The following DNAH5 variants were observed in gnomAD, a reference collection of about 807,000 sequenced individuals.
DNAH5 encodes dynein axonemal heavy chain 5.
A neutral mutation model predicts 518.2 loss-of-function variants in DNAH5; 372 were observed. That is an observed-to-expected ratio of 0.72 (90% CI 0.66 to 0.78). The LOEUF (loss-of-function observed/expected upper bound fraction) is 0.78, where lower values mean the gene tolerates loss of function less well. Ranked by LOEUF, DNAH5 falls within the 30% of genes least tolerant of loss-of-function variation. The pLI is 0.00. For synonymous variants in DNAH5, 2,039 were observed against 2,025.9 expected (o/e 1.01, Z -0.17); for missense variants, 5,523 against 5,687.0 (o/e 0.97, Z 0.93).
chr5:13,805,907 G>A (rs1580341009), intron 47 of DNAH5, among the ~76,000 whole-genome samples: 1 of 152,150 alleles, frequency 6.6e-6, no homozygotes, highest in Non-Finnish European at 1.5e-5. Context: ...AGTGAGGGCA[G>A]TCTTGTGGGG....
intron 1 of DNAH5, among the ~76,000 whole-genome samples, chr5:13,989,764 T>A (rs1783381555): frequency 6.6e-6 from 1 of 152,178 alleles, no homozygotes; most frequent in African/African-American, 2.4e-5. Flanking sequence ...ATTACAGTCA[T>A]GAGCCACCAC....
In DNAH5 at chr5:13,792,219, T is replaced by C. The variant is rs2126901340; in HGVS notation, c.8225-2A>G. On this transcript the variant is annotated splice_acceptor_variant, in intron 49 of 78. Coordinates refer to ENST00000265104, the MANE Select transcript of DNAH5 (RefSeq NM_001369.3). LOFTEE classifies it high-confidence loss of function. Reference sequence around the variant, plus strand: ...AGTAGTGGCCTACCCCAATCACACCTGAAAAGGGGGAAATTACAGCATTTT... The same window carrying C: ...AGTAGTGGCCTACCCCAATCACACCCGAAAAGGGGGAAATTACAGCATTTT... The C allele has an allele frequency of 6.2e-7, 1 of 1,609,982 alleles. No individual in the cohort carries two copies. The highest frequency in any genetic ancestry group is 8.5e-7 in the Non-Finnish European group (1 of 1,176,476).
Position 13,794,024 on chromosome 5 carries a change from C to A in DNAH5, c.7922G>T (p.Gly2641Val), listed in dbSNP as rs1201734195. 1.9e-6 allele frequency: 3 copies of A among 1,614,028 alleles called. No homozygotes were observed. The East Asian group carries it at 6.7e-5, about 36-fold the overall frequency. The change falls in exon 48 of 79, where the codon GGT becomes GTT. Residue 2641 changes from glycine to valine, a missense_variant. Gly to Val is a moderately radical substitution (Grantham distance 109). Transcript: ENST00000265104. Reference protein sequence around the residue: ...TIESYVDKRMGTTYGPPAGKK... With the variant: ...TIESYVDKRMVTTYGPPAGKK... ...TCCCGCAGGAGGGCCATATGTTGTA[C>A]CCATTCGTTTATCCACATAGCTCTC... is the stretch of plus-strand genomic sequence containing the variant.
Position 13,841,918 on chromosome 5 carries a change from CAA to C in DNAH5, c.5272-16_5272-15del, listed in dbSNP as rs35337694. ...TCGATCATAGATCTATGTTAGAAAC[CAA>C]AAAAAAAAAAAAAAAAAGCTATAGT... On this transcript the variant is annotated splice_polypyrimidine_tract_variant and intron_variant, in intron 32 of 78. Transcript: ENST00000265104. 0.12 allele frequency: 67,293 copies of C among 566,636 alleles called. 427 individuals are homozygous for C. The highest frequency in any genetic ancestry group is 0.2 in the African/African-American group (7,892 of 40,192). 35.1% of individuals were successfully genotyped at this position (566,636 alleles called of 1,614,324 possible). A position where few individuals can be genotyped will look rare whatever the true frequency, so the allele number is the denominator to read the frequency against.
chr5:13,776,067 G>C (rs531056605), intron 55 of DNAH5, among the ~76,000 whole-genome samples: 1 of 152,034 alleles, frequency 6.6e-6, no homozygotes, highest in Non-Finnish European at 1.5e-5. Flanking sequence ...AAGCACTAAT[G>C]GTCCATGGCA....
intron 35 of DNAH5, among the ~76,000 whole-genome samples, chr5:13,831,954 C>G (rs1356531598): frequency 6.6e-6 from 1 of 152,102 alleles, no homozygotes. Context: ...AGGACTGCGG[C>G]AGGACAGCTG....
intron 7 of DNAH5, among the ~76,000 whole-genome samples, chr5:13,918,721 G>A (rs1393035274): frequency 6.6e-6 from 1 of 152,164 alleles, no homozygotes; most frequent in Non-Finnish European, 1.5e-5. Context: ...ACCTGCCTCG[G>A]CATCCCAAAG....
At chr5:13,935,184 A>G (rs1489862538) in intron 1 of DNAH5, among the ~76,000 whole-genome samples, 1 of 152,180 alleles carries the variant, frequency 6.6e-6, no homozygotes, top group East Asian at 1.9e-4. Flanking sequence ...GAGCACAGAG[A>G]TTTAAAAAAG....
At chr5:13,975,973 C>T (rs1329285740) in intron 1 of DNAH5, among the ~76,000 whole-genome samples, 4 of 152,258 alleles carry the variant, frequency 2.6e-5, no homozygotes, top group Non-Finnish European at 4.4e-5. Flanking sequence ...GAGTTCAAGT[C>T]TGCATTAATC....
intron 1 of DNAH5, among the ~76,000 whole-genome samples, chr5:13,987,895 G>A (rs972290899): frequency 1.6e-5 from 2 of 122,366 alleles, no homozygotes; most frequent in Non-Finnish European, 3.4e-5. Context: ...TATTCAATAG[G>A]ACCCTTCAAA....
chr5:13,814,242 C>A (rs902034867), intron 43 of DNAH5, among the ~76,000 whole-genome samples: 1 of 152,156 alleles, frequency 6.6e-6, no homozygotes, highest in African/African-American at 2.4e-5. Context: ...GATGGTCCTC[C>A]TAAACTTTAT....
At position 14,003,280 on chromosome 5, in the gene DNAH5, C is replaced by G. The variant is rs748826272; in HGVS notation, c.12+8368G>C. On this transcript the variant is annotated intron_variant, in intron 1 of 78. Transcript: ENST00000681290. ...GTTTCCACTTGATAATAAATATTCC[C>G]TTACCAAAAAAGTTTGGGCCTGGGA... Among the ~76,000 whole-genome samples, 8 of 152,242 alleles carry G rather than the reference C, an allele frequency of 5.3e-5. No homozygotes were observed. In the South Asian group the frequency reaches 1.2e-3, roughly 24 times the overall value.
intron 1 of DNAH5, among the ~76,000 whole-genome samples, chr5:13,965,631 C>G (rs1376273673): frequency 6.6e-6 from 1 of 152,124 alleles, no homozygotes; most frequent in Admixed American, 6.6e-5. Flanking sequence ...TGGCAAAGTC[C>G]TGGAGAATTT....
At position 13,911,442 on chromosome 5, in the gene DNAH5, T is replaced by C; in HGVS notation, c.1588A>G (p.Lys530Glu). ...KKEYNFLDQR[K>E]MDFDQDYEEF... The stretch of plus-strand genomic sequence containing the variant: ...TCGTAATCTTGGTCAAAATCCATTT[T>C]CCGCTGGTCTAGGAAATTGTATTCC... Residue 530 changes from lysine (K) to glutamate (E), a missense_variant, in exon 12 of 79, where the codon AAA (lysine) becomes GAA (glutamate). By Grantham distance (56) the Lys-to-Glu change is moderately conservative (BLOSUM62 1). Around this residue, in one of 3 missense-constraint regions of DNAH5, gnomAD observed 5,121 missense variants for 5,223.3 expected, o/e 0.98. Transcript: ENST00000265104. 1 of 1,614,114 alleles carries C rather than the reference T, an allele frequency of 6.2e-7. No individual in the cohort carries two copies. The highest frequency in any genetic ancestry group is 1.1e-5 in the South Asian group (1 of 91,082).
intron 43 of DNAH5, 143 bp from the exon 44 acceptor site, chr5:13,811,966 AC>A: frequency 1.4e-6 from 1 of 722,530 alleles, no homozygotes; most frequent in Non-Finnish European, 2.3e-6. Flanking sequence ...AGGCTTTGTT[AC>A]AAACTCTTCC....
In DNAH5 at chr5:13,762,808, C is replaced by A; in HGVS notation, c.10195G>T (p.Val3399Leu). The A allele has an allele frequency of 6.2e-7, 1 of 1,614,102 alleles. No homozygotes were observed. The highest frequency in any genetic ancestry group is 1.3e-5 in the African/African-American group (1 of 75,058). ...CAAAGACCAGCTACATTTCCACATA[C>A]GCGTTTAGCAGTTTCGATGTTATAG... ...PDYNIETAKR[V>L]CGNVAGLCSW... The change falls in exon 60 of 79, where the codon GTA becomes TTA. Residue 3399 changes from valine (V) to leucine (L), a missense_variant. By Grantham distance (32) the Val-to-Leu change is conservative. Around this residue, in one of 3 missense-constraint regions of DNAH5, gnomAD observed 5,121 missense variants for 5,223.3 expected, o/e 0.98. Transcript: ENST00000265104.
chr5:13,957,173 C>T (rs561901153), intron 1 of DNAH5, among the ~76,000 whole-genome samples: 53 of 152,298 alleles, frequency 3.5e-4, no homozygotes, highest in African/African-American at 1.3e-3. Flanking sequence ...TCTTTTCTCC[C>T]TTCAAGCACA....
chr5:13,780,789 C>A (rs1561240445), intron 53 of DNAH5, 40 bp downstream of exon 53: 4 of 1,611,216 alleles, frequency 2.5e-6, no homozygotes, highest in South Asian at 1.1e-5. Context: ...CACCTTTTAT[C>A]AAAATCCATG....
At position 13,700,627 on chromosome 5, in the gene DNAH5, C is replaced by T; in HGVS notation, c.13723+13G>A. 1 of 1,610,806 alleles carries T rather than the reference C, an allele frequency of 6.2e-7. No homozygotes were observed. The highest frequency in any genetic ancestry group is 8.5e-7 in the Non-Finnish European group (1 of 1,177,024). On this transcript the variant is annotated intron_variant, in intron 78 of 78. Coordinates refer to ENST00000265104, the MANE Select transcript of DNAH5 (RefSeq NM_001369.3). ...ACAATGCGAGCCCTTACTGAAGGTACAAGACAACTTACTATTGTTTTCTGC... is the reference window on the plus strand; with the variant it reads ...ACAATGCGAGCCCTTACTGAAGGTATAAGACAACTTACTATTGTTTTCTGC...
Sources: gnomAD v4.1 joint callset for allele counts (sites outside exome capture counted in the v4.1 genomes callset) on GRCh38, gnomAD v4.1.1 for gene constraint, gnomAD v4.1.1 regional missense constraint, MANE v1.5 for transcripts, NCBI Gene and HGNC (gene_info 2026-07-23, HGNC 2026-07-21) for gene names.